FOXF1: variants seen among roughly 807,000 people sequenced by gnomAD.
FOXF1 encodes the protein forkhead box F1.
A neutral mutation model predicts 26.6 loss-of-function variants in FOXF1; 9 were observed. The ratio of observed to expected loss-of-function variants is 0.34; its 90% CI spans 0.20 to 0.59. FOXF1 has a LOEUF of 0.59. FOXF1 is among the 20% of genes least tolerant of loss of function. FOXF1 has a pLI of 0.83. For synonymous variants in FOXF1, 330 were observed against 257.7 expected, an observed-to-expected ratio of 1.28 and a Z score of -2.69; for missense variants, 499 against 549.9, an observed-to-expected ratio of 0.91 and a Z score of 0.93.
Position 86,511,094 on chromosome 16 carries a change from G to A in FOXF1, c.525G>A (p.Ser175=). 6.2e-7 allele frequency: 1 copy of A among 1,607,768 alleles called. No homozygotes were observed. Among genetic ancestry groups the A allele is most frequent in the Non-Finnish European group, 8.5e-7 (1 of 1,179,830 alleles). ...HLPDTYGFQG[S]AGGLSCPPNS... ...CGGACACCTACGGCTTCCAGGGCTC[G>A]GCCGGCGGCCTCTCGTGCCCGCCCA... Residue 175 remains serine, a synonymous_variant, in exon 1 of 2, where the codon TCG becomes TCA. Transcript: ENST00000262426.
chr16:86,510,976 C>A lies in FOXF1; in HGVS notation c.407C>A (p.Ser136Tyr), dbSNP rs763346627. 2 of 1,613,592 alleles carry A rather than the reference C, an allele frequency of 1.2e-6. No homozygotes were observed. The change falls in exon 1 of 2, where the codon TCC (serine) becomes TAC (tyrosine). Residue 136 changes from serine to tyrosine, a missense_variant. This residue lies in a region of FOXF1 where 36 missense variants were observed against 73.7 expected (regional missense o/e 0.49). Coordinates refer to ENST00000262426, the MANE Select transcript of FOXF1 (RefSeq NM_001451.3). ...PASEFMFEEG[S>Y]FRRRPRGFRR... is the part of the protein sequence containing the mutation. ...AGCGAGTTCATGTTCGAGGAGGGCT[C>A]CTTTCGGCGGCGGCCGCGCGGCTTC...
Position 86,511,287 on chromosome 16 carries a change from G to A in FOXF1, c.718G>A (p.Asp240Asn), listed in dbSNP as rs1472135650. 2.0e-6 allele frequency: 3 copies of A among 1,523,682 alleles called. No homozygotes were observed. The highest frequency in any genetic ancestry group is 2.6e-6 in the Non-Finnish European group (3 of 1,142,484). The allele number at this position is 1,523,682 out of a possible 1,614,324, so 94.4% of individuals were successfully genotyped here. ...GGCGGCCGGCGAGTACCCGCACCACGACAGCTCGGTGCCCGCCTCCCCGCT... is the reference window on the plus strand; with the variant it reads ...GGCGGCCGGCGAGTACCCGCACCACAACAGCTCGGTGCCCGCCTCCCCGCT... ...GAAAGEYPHH[D>N]SSVPASPLLP... Residue 240 changes from aspartate (D) to asparagine (N), a missense_variant, in exon 1 of 2, where the codon GAC becomes AAC. Asp to Asn is a conservative substitution (Grantham distance 23, BLOSUM62 1). Around this residue, in one of 5 missense-constraint regions of FOXF1, gnomAD observed 367 missense variants for 324.8 expected, o/e 1.13. Coordinates refer to ENST00000262426, the MANE Select transcript of FOXF1 (RefSeq NM_001451.3).
chr16:86,514,812 CAT>C lies in FOXF1; in HGVS notation c.*1734_*1735del, dbSNP rs1196054376. ...ATATGTGCACATACATATGGATATA[CAT>C]ATATATGTATATACATATATGTACA... On this transcript the variant is annotated 3_prime_UTR_variant, in exon 2 of 2. Coordinates refer to ENST00000262426, the MANE Select transcript of FOXF1 (RefSeq NM_001451.3). 1.3e-5 allele frequency: 2 copies of C among 151,214 alleles called. No homozygotes were observed. Among genetic ancestry groups the C allele is most frequent in the African/African-American group, 4.8e-5 (2 of 41,300 alleles). The allele number at this position is 151,214 out of a possible 1,614,324, so 9.4% of individuals were successfully genotyped here.
Position 86,510,673 on chromosome 16 carries a change from A to G in FOXF1, c.104A>G (p.Lys35Arg). Reference sequence around the variant, plus strand: ...GACCCCGCGTCGTCCGGCCCGTCCAAGGCCAAGAAGACCAACGCCGGCATC... The same window carrying G: ...GACCCCGCGTCGTCCGGCCCGTCCAGGGCCAAGAAGACCAACGCCGGCATC... ...AMDPASSGPS[K>R]AKKTNAGIRR... is the part of the protein sequence containing the mutation. Residue 35 changes from lysine to arginine, a missense_variant, in exon 1 of 2, where the codon AAG becomes AGG. Physicochemically the swap from Lys to Arg is conservative, Grantham distance 26 (BLOSUM62 2). Around this residue, in one of 5 missense-constraint regions of FOXF1, gnomAD observed 76 missense variants for 78.9 expected, o/e 0.96. Transcript: ENST00000262426. The G allele has an allele frequency of 6.2e-7, 1 of 1,611,320 alleles. No individual in the cohort carries two copies. Among genetic ancestry groups the G allele is most frequent in the Middle Eastern group, 1.8e-4 (1 of 5,658 alleles).
In FOXF1 at chr16:86,513,395, C is replaced by CGTT. The variant is rs67178865; in HGVS notation, c.*310_*311insGTT. On this transcript the variant is annotated 3_prime_UTR_variant, in exon 2 of 2. Transcript: ENST00000262426. The stretch of plus-strand genomic sequence containing the variant: ...AGACGGTGCTGTGCAGGGGAAAGCC[C>CGTT]CCGCACCCACACAGGAATTCTGCTG... 2.2e-4 allele frequency: 83 copies of CGTT among 383,420 alleles called. 1 individual carries two copies. Among genetic ancestry groups the CGTT allele is most frequent in the Admixed American group, 2.6e-4 (6 of 23,488 alleles). 23.8% of individuals were successfully genotyped at this position (383,420 alleles called of 1,614,324 possible). A position where few individuals can be genotyped will look rare whatever the true frequency, so the allele number is the denominator to read the frequency against.
In FOXF1 at chr16:86,513,026, G is replaced by A. The variant is rs886052377; in HGVS notation, c.1081G>A (p.Gly361Arg). The change falls in exon 2 of 2, where the codon GGG becomes AGG. Residue 361 changes from glycine (G) to arginine (R), a missense_variant. This residue lies in a region of FOXF1 where 367 missense variants were observed against 324.8 expected (regional missense o/e 1.13). Transcript: ENST00000262426. ...MASSSMHSAGGGSYYHQQVTY... is the reference protein window; with the variant it reads ...MASSSMHSAGRGSYYHQQVTY... ...GTCCTCTTCCATGCACTCGGCCGGC[G>A]GGGGCTCCTACTACCACCAGCAGGT... The A allele has an allele frequency of 1.1e-5, 18 of 1,613,654 alleles. No homozygotes were observed. Among genetic ancestry groups the A allele is most frequent in the Non-Finnish European group, 1.4e-5 (17 of 1,180,012 alleles).
Position 86,512,952 on chromosome 16 carries a change from C to A in FOXF1, c.1007C>A (p.Pro336His), listed in dbSNP as rs758297621. ...ATCCCGCGGTATCACTCGCAGTCGC[C>A]CAGCATGTGTGACCGAAAGGAGTTT... ...QGIPRYHSQS[P>H]SMCDRKEFVF... The change falls in exon 2 of 2, where the codon CCC becomes CAC. Residue 336 changes from proline to histidine, a missense_variant. This residue lies in a region of FOXF1 where 367 missense variants were observed against 324.8 expected (regional missense o/e 1.13). Transcript: ENST00000262426. 6.2e-7 allele frequency: 1 copy of A among 1,614,172 alleles called. No homozygotes were observed. The highest frequency in any genetic ancestry group is 8.5e-7 in the Non-Finnish European group (1 of 1,180,048).
chr16:86,511,417 C>T lies in FOXF1; in HGVS notation c.848C>T (p.Ser283Phe). 1.9e-6 allele frequency: 3 copies of T among 1,594,046 alleles called. No individual in the cohort carries two copies. Among genetic ancestry groups the T allele is most frequent in the Non-Finnish European group, 2.5e-6 (3 of 1,178,150 alleles). Residue 283 changes from serine to phenylalanine, a missense_variant, in exon 1 of 2, where the codon TCT (serine) becomes TTT (phenylalanine). Physicochemically the swap from Ser to Phe is radical, Grantham distance 155. This residue lies in a region of FOXF1 where 367 missense variants were observed against 324.8 expected (regional missense o/e 1.13). Coordinates refer to ENST00000262426, the MANE Select transcript of FOXF1 (RefSeq NM_001451.3). ...TCCGCGGCGCTCAACAGCGGCGCCT[C>T]TTATATCAAGCAGCAGCCCCTGTCC... ...SASAALNSGA[S>F]YIKQQPLSPC...
In FOXF1 at chr16:86,511,453, C is replaced by T; in HGVS notation, c.884C>T (p.Pro295Leu). The T allele has an allele frequency of 6.3e-7, 1 of 1,593,622 alleles. No homozygotes were observed. ...IKQQPLSPCN[P>L]AANPLSGSLS... ...CAGCAGCCCCTGTCCCCCTGTAACC[C>T]CGCGGCCAACCCCCTGTCCGGCAGC... is the stretch of plus-strand genomic sequence containing the variant. Residue 295 changes from proline to leucine, a missense_variant, in exon 1 of 2, where the codon CCC becomes CTC. By Grantham distance (98) the Pro-to-Leu change is moderately conservative (BLOSUM62 -3). Coordinates refer to ENST00000262426, the MANE Select transcript of FOXF1 (RefSeq NM_001451.3).
At chr16:86,512,792 A>G (rs1969588235) in intron 1 of FOXF1, 133 bp from the exon 2 acceptor site, 2 of 991,588 alleles carry the variant, frequency 2.0e-6, no homozygotes, top group East Asian at 5.1e-5. Context: ...GAGAGCGGGG[A>G]GGCGGCCGTG....
At position 86,512,993 on chromosome 16, in the gene FOXF1, G is replaced by T. The variant is rs150991700; in HGVS notation, c.1048G>T (p.Ala350Ser). 6.2e-7 allele frequency: 1 copy of T among 1,614,076 alleles called. No individual in the cohort carries two copies. Among genetic ancestry groups the T allele is most frequent in the Non-Finnish European group, 8.5e-7 (1 of 1,180,030 alleles). The stretch of plus-strand genomic sequence containing the variant: ...AAAGGAGTTTGTCTTCTCTTTCAAC[G>T]CCATGGCGTCCTCTTCCATGCACTC... The part of the protein sequence containing the change: ...DRKEFVFSFN[A>S]MASSSMHSAG... The change falls in exon 2 of 2, where the codon GCC (alanine) becomes TCC (serine). Residue 350 changes from alanine (A) to serine (S), a missense_variant. This residue lies in a region of FOXF1 where 367 missense variants were observed against 324.8 expected (regional missense o/e 1.13). Transcript: ENST00000262426.
chr16:86,512,228 C>T (rs1969577183), intron 1 of FOXF1, among the ~76,000 whole-genome samples: 1 of 151,494 alleles, frequency 6.6e-6, no homozygotes, highest in Non-Finnish European at 1.5e-5. Context: ...ACCCCTGATA[C>T]CCCAATACCC....
At position 86,513,666 on chromosome 16, in the gene FOXF1, A is replaced by G. The variant is rs1433729205; in HGVS notation, c.*581A>G. ...TCCCGATCTCCCTCCCCACCTCCGAAGTCTCCTCCGTGGACCACAGGTGGA... is the reference window on the plus strand; with the variant it reads ...TCCCGATCTCCCTCCCCACCTCCGAGGTCTCCTCCGTGGACCACAGGTGGA... On this transcript the variant is annotated 3_prime_UTR_variant, in exon 2 of 2. Coordinates refer to ENST00000262426, the MANE Select transcript of FOXF1 (RefSeq NM_001451.3). 6.5e-6 allele frequency: 1 copy of G among 153,464 alleles called. No homozygotes were observed. The highest frequency in any genetic ancestry group is 6.4e-5 in the Admixed American group (1 of 15,538). The allele number at this position is 153,464 out of a possible 1,614,324, so 9.5% of individuals were successfully genotyped here.
intron 1 of FOXF1, 150 bp from the exon 2 acceptor site, chr16:86,512,775 C>G (rs1054930385): frequency 9.2e-6 from 8 of 869,576 alleles, no homozygotes; most frequent in South Asian, 4.2e-5. Context: ...GGCCGGGACT[C>G]GGGGAGGAGA....
At position 86,513,143 on chromosome 16, in the gene FOXF1, G is replaced by A. The variant is rs540735089; in HGVS notation, c.*58G>A. 1.3e-4 allele frequency: 198 copies of A among 1,575,362 alleles called. No homozygotes were observed. In the African/African-American group the frequency reaches 2.6e-3, roughly 20 times the overall value. Reference sequence around the variant, plus strand: ...GGCGGGTCACAGGGACCCTGGACCGGCACAAGAAACTGCTTTCTTCTCGAG... The same window carrying A: ...GGCGGGTCACAGGGACCCTGGACCGACACAAGAAACTGCTTTCTTCTCGAG... On this transcript the variant is annotated 3_prime_UTR_variant, in exon 2 of 2. Transcript: ENST00000262426.
chr16:86,511,906 G>T lies in FOXF1; in HGVS notation c.979+358G>T, dbSNP rs376375626. 2.4e-4 allele frequency among the ~76,000 whole-genome samples: 37 copies of T among 152,332 alleles called. 2 individuals are homozygous for T. The East Asian group carries it at 6.0e-3, about 25-fold the overall frequency. On this transcript the variant is annotated intron_variant, in intron 1 of 1. Coordinates refer to ENST00000262426, the MANE Select transcript of FOXF1 (RefSeq NM_001451.3). ...GGAAAGATCCTGGGATGGACCCAAG[G>T]CTCCCAGCGCTGGCCAGATGGCTGT... is the stretch of plus-strand genomic sequence containing the variant.
chr16:86,513,356 G>A lies in FOXF1; in HGVS notation c.*271G>A, dbSNP rs915297854. 1 of 485,488 alleles carries A rather than the reference G, an allele frequency of 2.1e-6. No individual in the cohort carries two copies. Among genetic ancestry groups the A allele is most frequent in the Non-Finnish European group, 3.8e-6 (1 of 266,324 alleles). The allele number at this position is 485,488 out of a possible 1,614,324, so 30.1% of individuals were successfully genotyped here. A position where few individuals can be genotyped will look rare whatever the true frequency, so the allele number is the denominator to read the frequency against. ...TCGGTAAATAAAAGTTTTTGATCCT[G>A]TTGAACCCGCCTGAGACGGTGCTGT... On this transcript the variant is annotated 3_prime_UTR_variant, in exon 2 of 2. Transcript: ENST00000262426.
rs1031623460 is a variant in FOXF1 at position 86,514,135 on chromosome 16, G to T, written c.*1050G>T. The T allele has an allele frequency of 2.6e-5, 4 of 152,188 alleles. No homozygotes were observed. The highest frequency in any genetic ancestry group is 9.7e-5 in the African/African-American group (4 of 41,436). 9.4% of individuals were successfully genotyped at this position (152,188 alleles called of 1,614,324 possible). On this transcript the variant is annotated 3_prime_UTR_variant, in exon 2 of 2. Transcript: ENST00000262426. ...TGTAACTTTGTTGGCAATATTTGCCGTGTAGAATTTTTTTTAGATATCCAT... is the reference window on the plus strand; with the variant it reads ...TGTAACTTTGTTGGCAATATTTGCCTTGTAGAATTTTTTTTAGATATCCAT...
intron 1 of FOXF1, among the ~76,000 whole-genome samples, chr16:86,511,850 C>A (rs2078304): frequency 1.3e-5 from 2 of 152,024 alleles, no homozygotes; most frequent in Admixed American, 1.3e-4. Flanking sequence ...GCCCTAAGTC[C>A]TTTTGTGTCC....
Sources: gnomAD v4.1 joint callset for allele counts (sites outside exome capture counted in the v4.1 genomes callset) on GRCh38, gnomAD v4.1.1 for gene constraint, gnomAD v4.1.1 regional missense constraint, MANE v1.5 for transcripts, NCBI Gene and HGNC (gene_info 2026-07-23, HGNC 2026-07-21) for gene names.